DNAI1: variants seen among roughly 807,000 people sequenced by gnomAD.
DNAI1 encodes the protein dynein, axonemal, intermediate polypeptide 1.
In DNAI1, 67 loss-of-function variants were observed where a neutral mutation model predicts 92.0. The ratio of observed to expected loss-of-function variants is 0.73; its 90% confidence interval spans 0.60 to 0.89. The LOEUF (loss-of-function observed/expected upper bound fraction) is 0.89, where lower values mean the gene tolerates loss of function less well. DNAI1 is among the 40% of genes least tolerant of loss of function. DNAI1 has a pLI of 0.00. For synonymous variants in DNAI1, 323 were observed against 319.6 expected (o/e 1.01, Z -0.11); for missense variants, 839 against 866.6 (o/e 0.97, Z 0.40).
intron 12 of DNAI1, among the ~76,000 whole-genome samples, chr9:34,504,637 G>C (rs971671957): frequency 6.6e-6 from 1 of 152,158 alleles, no homozygotes; most frequent in Non-Finnish European, 1.5e-5. Context: ...TGTCTCTAAG[G>C]CCTTGCTCTT....
At chr9:34,483,722 T>G (rs551524668) in intron 2 of DNAI1, among the ~76,000 whole-genome samples, 2 of 152,304 alleles carry the variant, frequency 1.3e-5, no homozygotes, top group Admixed American at 6.5e-5. Flanking sequence ...ATAAGAGAGA[T>G]ATATTTATTT....
chr9:34,468,823 C>CT (rs2132042835), intron 1 of DNAI1, among the ~76,000 whole-genome samples: 1 of 139,840 alleles, frequency 7.2e-6, no homozygotes, highest in Non-Finnish European at 1.5e-5. Flanking sequence ...GAGACCCTGT[C>CT]TCAAAAAAAA....
chr9:34,515,912 T>G (rs374281653), intron 18 of DNAI1, among the ~76,000 whole-genome samples: 8 of 152,122 alleles, frequency 5.3e-5, no homozygotes, highest in African/African-American at 1.9e-4. Context: ...GTGAATTTTA[T>G]AGTATATGAA....
intron 9 of DNAI1, among the ~76,000 whole-genome samples, chr9:34,496,490 G>A (rs1310709625): frequency 6.6e-6 from 1 of 152,168 alleles, no homozygotes; most frequent in African/African-American, 2.4e-5. Context: ...GCTTCCTTTT[G>A]GTTCAAGATG....
At chr9:34,492,506 A>ATC (rs1564033908) in intron 8 of DNAI1, among the ~76,000 whole-genome samples, 21 of 55,406 alleles carry the variant, frequency 3.8e-4, no homozygotes, top group African/African-American at 1.3e-3. Flanking sequence ...ATATATATAT[A>ATC]TATATATATA....
intron 1 of DNAI1, among the ~76,000 whole-genome samples, chr9:34,478,253 T>C (rs1025073021): frequency 6.6e-6 from 1 of 151,934 alleles, no homozygotes; most frequent in African/African-American, 2.4e-5. Flanking sequence ...AGGTGGAAGA[T>C]GAAAGATGAA....
At position 34,506,738 on chromosome 9, in the gene DNAI1, A is replaced by G; in HGVS notation, c.1175A>G (p.His392Arg). The change falls in exon 13 of 20, where the codon CAC becomes CGC. Residue 392 changes from histidine to arginine, a missense_variant. His to Arg is a conservative substitution (Grantham distance 29, BLOSUM62 0). Coordinates refer to ENST00000242317, the MANE Select transcript of DNAI1 (RefSeq NM_012144.4). Reference sequence around the variant, plus strand: ...AGCGGCGTCATGTGTCTCGACATCCACGTGGACCACCCCTACCTGGTGGCA... The same window carrying G: ...AGCGGCGTCATGTGTCTCGACATCCGCGTGGACCACCCCTACCTGGTGGCA... ...SNSGVMCLDI[H>R]VDHPYLVAVG... The G allele has an allele frequency of 6.2e-7, 1 of 1,614,192 alleles. No homozygotes were observed. Among genetic ancestry groups the G allele is most frequent in the Non-Finnish European group, 8.5e-7 (1 of 1,180,044 alleles).
intron 12 of DNAI1, among the ~76,000 whole-genome samples, chr9:34,503,823 A>G (rs1243402780): frequency 6.6e-6 from 1 of 152,218 alleles, no homozygotes; most frequent in Non-Finnish European, 1.5e-5. Context: ...GGGCCAGGCT[A>G]CATGTTCCCA....
chr9:34,477,047 G>A (rs879450200), intron 1 of DNAI1, among the ~76,000 whole-genome samples: 6 of 152,030 alleles, frequency 3.9e-5, no homozygotes, highest in Admixed American at 6.6e-5. Context: ...ACAGGGTCTC[G>A]CTATTTTGCC....
In DNAI1 at chr9:34,506,849, G is replaced by T. The variant is rs752620955; in HGVS notation, c.1286G>T (p.Gly429Val). ...TCCTTCTGCAGCTCAGCCAAGTCTG[G>T]CAAGCACTCAGACCCTGTGTGGCAG... ...QPSFCSSAKS[G>V]KHSDPVWQVK... The change falls in exon 13 of 20, where the codon GGC becomes GTC. Residue 429 changes from glycine to valine, a missense_variant. Transcript: ENST00000242317. 6.2e-7 allele frequency: 1 copy of T among 1,614,084 alleles called. No individual in the cohort carries two copies. Among genetic ancestry groups the T allele is most frequent in the East Asian group, 2.2e-5 (1 of 44,884 alleles).
chr9:34,468,047 A>G (rs972348979), intron 1 of DNAI1, among the ~76,000 whole-genome samples: 17 of 152,236 alleles, frequency 1.1e-4, no homozygotes, highest in Admixed American at 6.5e-5. Context: ...GGATGCACGG[A>G]TGGAGAATCT....
chr9:34,480,450 G>A (rs1331446424), intron 1 of DNAI1, among the ~76,000 whole-genome samples: 1 of 151,562 alleles, frequency 6.6e-6, no homozygotes, highest in Non-Finnish European at 1.5e-5. Context: ...GCTAATTTTT[G>A]TATTTTTAGT....
chr9:34,503,602 T>G (rs1824872859), intron 12 of DNAI1, among the ~76,000 whole-genome samples: 1 of 152,184 alleles, frequency 6.6e-6, no homozygotes, highest in Non-Finnish European at 1.5e-5. Context: ...GGTAGGTATG[T>G]ACCCTAGGAA....
intron 2 of DNAI1, 27 bp from the exon 3 acceptor site, chr9:34,485,115 C>T (rs779124440): frequency 9.9e-6 from 16 of 1,612,290 alleles, no homozygotes; most frequent in Non-Finnish European, 1.3e-5. Context: ...AAGACACTCC[C>T]AAGCCTCATG....
At position 34,514,655 on chromosome 9, in the gene DNAI1, C is replaced by T; in HGVS notation, c.1734C>T (p.Ile578=). 1 of 1,614,206 alleles carries T rather than the reference C, an allele frequency of 6.2e-7. No individual in the cohort carries two copies. The highest frequency in any genetic ancestry group is 1.1e-5 in the South Asian group (1 of 91,080). The change falls in exon 18 of 20, where the codon ATC becomes ATT. Residue 578 remains isoleucine (I), a synonymous_variant. Coordinates refer to ENST00000242317, the MANE Select transcript of DNAI1 (RefSeq NM_012144.4). ...WDHTIKTPMF[I]YDLNSAVGDV... is the part of the protein sequence containing the mutation. ...ACCTCTGCAGGACCCCGATGTTCAT[C>T]TATGACCTGAACTCAGCCGTGGGTG...
intron 12 of DNAI1, 33 bp downstream of exon 12, chr9:34,501,214 T>C (rs1387302089): frequency 1.9e-6 from 3 of 1,562,040 alleles, no homozygotes; most frequent in Non-Finnish European, 2.6e-6. Flanking sequence ...TATTTGCTCA[T>C]GTAAACAGCA....
chr9:34,473,281 T>TA (rs1190423230), intron 1 of DNAI1, among the ~76,000 whole-genome samples: 2 of 149,320 alleles, frequency 1.3e-5, no homozygotes, highest in African/African-American at 2.5e-5. Flanking sequence ...AGCTTATTAT[T>TA]ATTATTATTA....
chr9:34,516,186 T>C (rs965182066), intron 18 of DNAI1, among the ~76,000 whole-genome samples: 12 of 151,970 alleles, frequency 7.9e-5, no homozygotes, highest in African/African-American at 2.7e-4. Context: ...GGAACCAGCT[T>C]GGGGTTTAAG....
chr9:34,483,951 C>T (rs1041700789), intron 2 of DNAI1, among the ~76,000 whole-genome samples: 9 of 152,158 alleles, frequency 5.9e-5, no homozygotes, highest in African/African-American at 2.2e-4. Context: ...TGTGGTGGCT[C>T]ACTCCTGTAA....
Sources: gnomAD v4.1 joint callset for allele counts (sites outside exome capture counted in the v4.1 genomes callset) on GRCh38, gnomAD v4.1.1 for gene constraint, MANE v1.5 for transcripts, NCBI Gene and HGNC (gene_info 2026-07-23, HGNC 2026-07-21) for gene names.